VRK2: variants seen among roughly 807,000 people sequenced by gnomAD.
VRK2 encodes the protein serine/threonine-protein kinase VRK2.
A neutral mutation model predicts 57.6 loss-of-function variants in VRK2; 60 were observed. The observed-to-expected ratio is 1.04, with a 90% confidence interval of 0.85 to 1.29. The LOEUF (loss-of-function observed/expected upper bound fraction) is 1.29, where lower values mean the gene tolerates loss of function less well. Ranked by LOEUF, VRK2 falls within the 50% of genes most tolerant of loss-of-function variation. The probability of loss-of-function intolerance (pLI) is 0.00; values close to 1 mark genes in which losing one functional copy is unlikely to be tolerated. For missense variants in VRK2, 705 were observed against 588.1 expected (o/e 1.20, Z -2.06); for synonymous variants, 231 against 199.2 (o/e 1.16, Z -1.35).
At chr2:58,137,220 A>ATCATGTATATGATACATG (rs1215720524) in intron 10 of VRK2, among the ~76,000 whole-genome samples, 2 of 48,100 alleles carry the variant, frequency 4.2e-5, no homozygotes, top group South Asian at 9.8e-4. Flanking sequence ...TGATACATAT[A>ATCATGTATATGATACATG]TATCATATGA....
chr2:58,012,323 T>A (rs1386567115), intron 1 of VRK2, among the ~76,000 whole-genome samples: 1 of 152,226 alleles, frequency 6.6e-6, no homozygotes, highest in Non-Finnish European at 1.5e-5. Context: ...TTCTATGGAC[T>A]CGCCCTGAAT....
intron 1 of VRK2, among the ~76,000 whole-genome samples, chr2:57,949,362 T>C (rs1397728889): frequency 6.6e-6 from 1 of 152,216 alleles, no homozygotes; most frequent in Non-Finnish European, 1.5e-5. Flanking sequence ...TCCAACAGCA[T>C]GTGCTCACTT....
chr2:57,983,201 G>T (rs898527900), intron 1 of VRK2, among the ~76,000 whole-genome samples: 2 of 152,114 alleles, frequency 1.3e-5, no homozygotes, highest in African/African-American at 4.8e-5. Flanking sequence ...CGTGGGTGAA[G>T]CTCTTCCTGG....
intron 2 of VRK2, among the ~76,000 whole-genome samples, chr2:58,054,563 T>C (rs1355301909): frequency 6.6e-6 from 1 of 152,080 alleles, no homozygotes; most frequent in East Asian, 1.9e-4. Context: ...TTTCTTTAGA[T>C]AAGGAAGAAG....
chr2:57,921,644 G>C (rs966480198), intron 1 of VRK2, among the ~76,000 whole-genome samples: 1 of 152,076 alleles, frequency 6.6e-6, no homozygotes, highest in East Asian at 1.9e-4. Context: ...ACAAAACTGA[G>C]TGAAATGATT....
At chr2:57,946,689 TTA>T (rs1385571246) in intron 1 of VRK2, among the ~76,000 whole-genome samples, 4 of 152,194 alleles carry the variant, frequency 2.6e-5, no homozygotes, top group Non-Finnish European at 5.9e-5. Context: ...ATTAAAATTA[TTA>T]TAGACTTGAT....
chr2:58,079,749 A>T (rs1276890193), intron 2 of VRK2, among the ~76,000 whole-genome samples: 1 of 151,966 alleles, frequency 6.6e-6, no homozygotes, highest in African/African-American at 2.4e-5. Context: ...TCTCTGTCTC[A>T]ACTCTGGAAT....
chr2:57,987,998 G>T (rs932100559), intron 1 of VRK2, among the ~76,000 whole-genome samples: 1 of 152,148 alleles, frequency 6.6e-6, no homozygotes, highest in Non-Finnish European at 1.5e-5. Flanking sequence ...AGGGCCTGGG[G>T]TTGGGAGGAA....
intron 1 of VRK2, among the ~76,000 whole-genome samples, chr2:57,967,140 C>T (rs972871624): frequency 1.3e-5 from 2 of 151,898 alleles, no homozygotes; most frequent in African/African-American, 4.8e-5. Flanking sequence ...AACCAAACAC[C>T]GCATGTTCTC....
intron 1 of VRK2, among the ~76,000 whole-genome samples, chr2:57,921,887 T>C (rs1029993774): frequency 6.6e-6 from 1 of 152,142 alleles, no homozygotes; most frequent in African/African-American, 2.4e-5. Flanking sequence ...TTCAAGTCTA[T>C]TTTACATTTT....
intron 1 of VRK2, among the ~76,000 whole-genome samples, chr2:57,928,602 G>T (rs1204656984): frequency 6.6e-6 from 1 of 152,066 alleles, no homozygotes; most frequent in African/African-American, 2.4e-5. Context: ...GTGGATATTT[G>T]TCAGTTTCTC....
intron 7 of VRK2, among the ~76,000 whole-genome samples, chr2:58,099,071 A>G (rs1029162720): frequency 1.3e-5 from 2 of 151,992 alleles, no homozygotes; most frequent in Admixed American, 6.6e-5. Context: ...TTGGAAAACA[A>G]ATGTATCCTT....
At chr2:58,008,798 C>T (rs1218185872) in intron 1 of VRK2, among the ~76,000 whole-genome samples, 2 of 152,016 alleles carry the variant, frequency 1.3e-5, no homozygotes, top group Admixed American at 6.6e-5. Flanking sequence ...TGTGCTATAA[C>T]AAAACACCAG....
At chr2:58,150,763 G>A (rs1573418133) in intron 12 of VRK2, among the ~76,000 whole-genome samples, 1 of 150,524 alleles carries the variant, frequency 6.6e-6, no homozygotes, top group Non-Finnish European at 1.5e-5. Context: ...AACGTATATA[G>A]TTAAACCTAT....
chr2:57,982,959 C>T (rs1056504075), intron 1 of VRK2, among the ~76,000 whole-genome samples: 3 of 152,272 alleles, frequency 2.0e-5, no homozygotes, highest in Middle Eastern at 3.4e-3. Context: ...TGGAGTCTCC[C>T]GCAGCTAGGA....
intron 2 of VRK2, among the ~76,000 whole-genome samples, chr2:58,062,045 C>G (rs1677420343): frequency 6.6e-6 from 1 of 152,024 alleles, no homozygotes. Context: ...CTGCATCAAC[C>G]AAATCTATTA....
intron 1 of VRK2, among the ~76,000 whole-genome samples, chr2:57,913,526 T>A (rs1296245951): frequency 6.6e-6 from 1 of 152,114 alleles, no homozygotes; most frequent in Admixed American, 6.6e-5. Context: ...GGAATAAAGT[T>A]GAATAAGGAG....
At chr2:58,100,724 A>T (rs902383985) in intron 7 of VRK2, among the ~76,000 whole-genome samples, 7 of 151,752 alleles carry the variant, frequency 4.6e-5, no homozygotes, top group Non-Finnish European at 1.0e-4. Context: ...TTGAACTTTG[A>T]TAATTTGCTA....
intron 1 of VRK2, among the ~76,000 whole-genome samples, chr2:58,023,677 T>C (rs184241176): frequency 1.3e-5 from 2 of 152,328 alleles, no homozygotes; most frequent in East Asian, 1.9e-4. Flanking sequence ...AAGCTTACCA[T>C]TTCCTTTGAT....
Sources: gnomAD v4.1 joint callset for allele counts (sites outside exome capture counted in the v4.1 genomes callset) on GRCh38, gnomAD v4.1.1 for gene constraint, MANE v1.5 for transcripts, NCBI Gene and HGNC (gene_info 2026-07-23, HGNC 2026-07-21) for gene names.